The following KCNG2 variants were observed in gnomAD, a reference collection of about 807,000 sequenced individuals.
The protein encoded by KCNG2 is voltage-gated potassium channel regulatory subunit KCNG2.
KCNG2 carries 7 observed loss-of-function variants against 12.3 expected under a neutral mutation model. That is an observed-to-expected ratio of 0.57 (90% CI 0.32 to 1.07). The LOEUF is 1.07. KCNG2 is among the 50% of genes least tolerant of loss of function. KCNG2 has a pLI of 0.04. For missense variants in KCNG2, 703 were observed against 726.0 expected (o/e 0.97, Z 0.36); for synonymous variants, 414 against 351.4 (o/e 1.18, Z -1.99).
chr18:79,856,645 C>G (rs1171862448), intron 2 of KCNG2, among the ~76,000 whole-genome samples, 193 bp downstream of exon 2: 3 of 152,172 alleles, frequency 2.0e-5, no homozygotes, highest in Non-Finnish European at 2.9e-5. Context: ...AGGCGCAGCC[C>G]CTTCCGAACC....
At chr18:79,860,435 C>T (rs945321305) in intron 2 of KCNG2, among the ~76,000 whole-genome samples, 2 of 152,146 alleles carry the variant, frequency 1.3e-5, no homozygotes, top group Non-Finnish European at 2.9e-5. Flanking sequence ...TTTATTTAGT[C>T]TTAAAATTTC....
intron 1 of KCNG2, among the ~76,000 whole-genome samples, chr18:79,818,155 A>T (rs556226295): frequency 9.2e-5 from 14 of 152,338 alleles, no homozygotes; most frequent in African/African-American, 3.1e-4. Flanking sequence ...TCCTGGATCC[A>T]TGTGTGGCTG....
In KCNG2 at chr18:79,863,951, G is replaced by C; in HGVS notation, c.284G>C (p.Gly95Ala). ...GCAGGGAAGCTGCGACTGCTGCGGGGCCCGTGCGCGCTGGCCTTCCGCGAC... is the reference window on the plus strand; with the variant it reads ...GCAGGGAAGCTGCGACTGCTGCGGGCCCCGTGCGCGCTGGCCTTCCGCGAC... Reference protein sequence around the residue: ...LRAGKLRLLRGPCALAFRDEL... With the variant: ...LRAGKLRLLRAPCALAFRDEL... Residue 95 changes from glycine to alanine, a missense_variant, in exon 3 of 4, where the codon GGC becomes GCC. By Grantham distance (60) the Gly-to-Ala change is moderately conservative. Coordinates refer to ENST00000316249, the MANE Select transcript of KCNG2 (RefSeq NM_012283.2). 7.6e-7 allele frequency: 1 copy of C among 1,310,832 alleles called. No individual in the cohort carries two copies. The highest frequency in any genetic ancestry group is 3.2e-5 in the East Asian group (1 of 31,058). 81.2% of individuals were successfully genotyped at this position (1,310,832 alleles called of 1,614,324 possible).
intron 1 of KCNG2, among the ~76,000 whole-genome samples, chr18:79,819,911 C>T (rs1027085648): frequency 6.6e-6 from 1 of 152,234 alleles, no homozygotes; most frequent in African/African-American, 2.4e-5. Flanking sequence ...CTATGAACCC[C>T]GCTATTCTAG....
chr18:79,814,926 C>T lies in KCNG2; in HGVS notation c.-115+16912C>T, dbSNP rs543641564. Among the ~76,000 whole-genome samples, 51 of 136,140 alleles carry T rather than the reference C, an allele frequency of 3.7e-4. 4 individuals carry two copies. The East Asian group carries it at 5.5e-3, about 15-fold the overall frequency. 89.3% of individuals were successfully genotyped at this position (136,140 alleles called of 152,430 possible). A position where few individuals can be genotyped will look rare whatever the true frequency, so the allele number is the denominator to read the frequency against. On this transcript the variant is annotated intron_variant, in intron 1 of 3. Transcript: ENST00000316249. The stretch of plus-strand genomic sequence containing the variant: ...CCCTGTGTGCTTTTTTTTTTTTTTA[C>T]GATGAAAATACATTTATGTTTTAGT...
intron 3 of KCNG2, among the ~76,000 whole-genome samples, chr18:79,870,668 C>T (rs902989419): frequency 1.3e-5 from 2 of 152,204 alleles, no homozygotes. Context: ...TGATTTTTGG[C>T]TCTGTGAATT....
rs1355481952 is a variant in KCNG2, at chr18:79,805,626, T to C, written c.-115+7612T>C. 6.6e-5 allele frequency among the ~76,000 whole-genome samples: 10 copies of C among 152,198 alleles called. No homozygotes were observed. In the East Asian group the frequency reaches 1.9e-3, roughly 29 times the overall value. On this transcript the variant is annotated intron_variant, in intron 1 of 3. Transcript: ENST00000316249. ...TTGTCACATTTCTCGCCTTCGGGTC[T>C]TCATTGTGGTCCTGGTGGCCATGTA...
rs1037774700 is a variant in KCNG2 at position 79,856,378 on chromosome 18, G to A, written c.-114-1G>A. Among the ~76,000 whole-genome samples the A allele has an allele frequency of 6.6e-6, 1 of 152,216 alleles. No individual in the cohort carries two copies. The highest frequency in any genetic ancestry group is 1.9e-4 in the East Asian group (1 of 5,202). On this transcript the variant is annotated splice_acceptor_variant, in intron 1 of 3. Coordinates refer to ENST00000316249, the MANE Select transcript of KCNG2 (RefSeq NM_012283.2). LOFTEE classifies it low-confidence loss of function (5UTR_SPLICE). ...GGTGAAACTGGATGTTCATTTTCCAGGTCGAAGCCGCTGGTCTCAGCTGTG... is the reference window on the plus strand; with the variant it reads ...GGTGAAACTGGATGTTCATTTTCCAAGTCGAAGCCGCTGGTCTCAGCTGTG...
intron 1 of KCNG2, among the ~76,000 whole-genome samples, chr18:79,808,301 G>A (rs1340580663): frequency 1.6e-3 from 3 of 1,874 alleles, no homozygotes; most frequent in Middle Eastern, 0.1. Context: ...CCCAGAGTCC[G>A]CGCTCTGAGG....
At chr18:79,855,082 T>C (rs1188131989) in intron 1 of KCNG2, among the ~76,000 whole-genome samples, 1 of 152,200 alleles carries the variant, frequency 6.6e-6, no homozygotes, top group East Asian at 1.9e-4. Context: ...TTCCCTAGTG[T>C]TTTTAATTCC....
intron 1 of KCNG2, among the ~76,000 whole-genome samples, chr18:79,840,208 C>A (rs1290059671): frequency 6.6e-6 from 1 of 152,072 alleles, no homozygotes; most frequent in Admixed American, 6.5e-5. Context: ...ATTGTATACA[C>A]AGAAAATCCC....
intron 3 of KCNG2, among the ~76,000 whole-genome samples, chr18:79,865,791 C>T (rs1979487310): frequency 1.7e-5 from 2 of 117,114 alleles, no homozygotes; most frequent in Admixed American, 1.8e-4. Context: ...AGTCTGGGTG[C>T]TGAGAGGTCT....
intron 1 of KCNG2, among the ~76,000 whole-genome samples, chr18:79,823,570 T>C (rs943339259): frequency 4.6e-5 from 7 of 152,200 alleles, no homozygotes; most frequent in African/African-American, 9.7e-5. Context: ...TGAACATGTT[T>C]TCCATACGTG....
chr18:79,817,746 G>C (rs2087541006), intron 1 of KCNG2, among the ~76,000 whole-genome samples: 2 of 152,182 alleles, frequency 1.3e-5, no homozygotes, highest in Non-Finnish European at 2.9e-5. Flanking sequence ...CGGTGGGAAA[G>C]CATGGTTTTT....
chr18:79,802,570 T>G (rs2087418963), intron 1 of KCNG2, among the ~76,000 whole-genome samples: 1 of 152,254 alleles, frequency 6.6e-6, no homozygotes, highest in Non-Finnish European at 1.5e-5. Flanking sequence ...CTGGCTCCCC[T>G]GCCTTCCTTC....
At chr18:79,865,817 TGGGTGCTGA>T (rs1470335723) in intron 3 of KCNG2, among the ~76,000 whole-genome samples, 60 of 125,002 alleles carry the variant, frequency 4.8e-4, no homozygotes, top group Non-Finnish European at 8.4e-4. Flanking sequence ...CTGAGAGGTC[TGGGTGCTGA>T]GAGGTCTGTA....
chr18:79,851,504 CATG>C (rs978625908), intron 1 of KCNG2, among the ~76,000 whole-genome samples: 3 of 152,182 alleles, frequency 2.0e-5, no homozygotes, highest in African/African-American at 7.2e-5. Context: ...AGAGGATGCA[CATG>C]ATATTAAACC....
chr18:79,848,411 C>T (rs1052847783), intron 1 of KCNG2, among the ~76,000 whole-genome samples: 5 of 152,186 alleles, frequency 3.3e-5, no homozygotes, highest in African/African-American at 2.4e-5. Flanking sequence ...CGTTGCCGCT[C>T]GGGCTCCTGC....
chr18:79,807,017 G>C (rs2087454512), intron 1 of KCNG2, among the ~76,000 whole-genome samples: 1 of 152,144 alleles, frequency 6.6e-6, no homozygotes. Context: ...TTAAATGTTA[G>C]AAATAGCCTG....
Sources: gnomAD v4.1 joint callset for allele counts (sites outside exome capture counted in the v4.1 genomes callset) on GRCh38, gnomAD v4.1.1 for gene constraint, MANE v1.5 for transcripts, NCBI Gene and HGNC (gene_info 2026-07-23, HGNC 2026-07-21) for gene names.